Variants in FHIT observed in about 807,000 individuals in gnomAD.
FHIT encodes bis(5'-adenosyl)-triphosphatase.
In FHIT, 19 loss-of-function variants were observed where a neutral mutation model predicts 17.9. The observed-to-expected ratio is 1.06, with a 90% confidence interval of 0.74 to 1.56. FHIT has a LOEUF of 1.56. FHIT is among the 40% of genes most tolerant of loss of function. The probability of loss-of-function intolerance (pLI) is 0.00; values close to 1 mark genes in which losing one functional copy is unlikely to be tolerated. For synonymous variants in FHIT, 81 were observed against 69.7 expected (o/e 1.16, Z -0.81); for missense variants, 248 against 189.2 (o/e 1.31, Z -1.82).
chr3:60,652,752 A>G (rs1221034346), intron 4 of FHIT, among the ~76,000 whole-genome samples: 1 of 144,014 alleles, frequency 6.9e-6, no homozygotes, highest in East Asian at 2.0e-4. Context: ...AAAAAAAAAA[A>G]TTCAAAAAGT....
chr3:59,931,330 G>A (rs980713786), intron 7 of FHIT, among the ~76,000 whole-genome samples: 2 of 152,156 alleles, frequency 1.3e-5, no homozygotes, highest in Non-Finnish European at 2.9e-5. Flanking sequence ...TTGATTTGGG[G>A]AGGCCTCATC....
chr3:60,072,962 A>C (rs1305324323), intron 5 of FHIT, among the ~76,000 whole-genome samples: 1 of 152,184 alleles, frequency 6.6e-6, no homozygotes, highest in Non-Finnish European at 1.5e-5. Flanking sequence ...AGATGACTGC[A>C]CTGTGTTACT....
intron 5 of FHIT, among the ~76,000 whole-genome samples, chr3:60,102,480 G>A (rs951046767): frequency 6.6e-6 from 1 of 152,136 alleles, no homozygotes. Flanking sequence ...AGAATGATCT[G>A]GGGGTTCTTA....
At chr3:59,933,094 G>T (rs35019677) in intron 7 of FHIT, among the ~76,000 whole-genome samples, 13,109 of 152,074 alleles carry the variant, frequency 0.086, 720 homozygotes, top group Admixed American at 0.12. Context: ...TATAATCTGG[G>T]TAACAAAGAC....
At chr3:60,120,560 G>A (rs749761369) in intron 5 of FHIT, among the ~76,000 whole-genome samples, 1 of 152,198 alleles carries the variant, frequency 6.6e-6, no homozygotes, top group Non-Finnish European at 1.5e-5. Flanking sequence ...CAGCAGCGAG[G>A]ACTGGAGTAT....
chr3:60,116,580 C>T (rs1215669515), intron 5 of FHIT, among the ~76,000 whole-genome samples: 1 of 152,134 alleles, frequency 6.6e-6, no homozygotes, highest in Non-Finnish European at 1.5e-5. Flanking sequence ...TCCCCTCATT[C>T]ATTACAAGAC....
At chr3:60,970,218 C>T (rs7652163) in intron 3 of FHIT, among the ~76,000 whole-genome samples, 98,910 of 152,058 alleles carry the variant, frequency 0.65, 33,199 homozygotes, top group East Asian at 0.87. Flanking sequence ...TTCTCTTTTT[C>T]AGTGCTGTTA....
At chr3:60,973,029 T>G (rs1710087049) in intron 3 of FHIT, among the ~76,000 whole-genome samples, 1 of 152,154 alleles carries the variant, frequency 6.6e-6, no homozygotes, top group African/African-American at 2.4e-5. Flanking sequence ...CTCAGTCACT[T>G]TTGGATCTGT....
At chr3:60,999,857 A>G (rs2030944548) in intron 3 of FHIT, among the ~76,000 whole-genome samples, 1 of 152,170 alleles carries the variant, frequency 6.6e-6, no homozygotes, top group South Asian at 2.1e-4. Context: ...TGGGAAGCCC[A>G]TCAAGGTACC....
chr3:60,114,636 G>A (rs1704871420), intron 5 of FHIT, among the ~76,000 whole-genome samples: 1 of 151,532 alleles, frequency 6.6e-6, no homozygotes, highest in African/African-American at 2.4e-5. Context: ...TGGGACTACA[G>A]GTTCATGCCA....
intron 4 of FHIT, among the ~76,000 whole-genome samples, chr3:60,770,159 G>C (rs1256181648): frequency 6.6e-6 from 1 of 152,138 alleles, no homozygotes; most frequent in Non-Finnish European, 1.5e-5. Flanking sequence ...CCCCAAATGA[G>C]CAGAAGCATT....
At position 60,519,434 on chromosome 3, in the gene FHIT, C is replaced by T. The variant is rs188218569; in HGVS notation, c.103+17426G>A. ...GGGCAAGTGATCCTGTACCACTCCC[C>T]ATCTGCATAGTTGAAAATTCACATG... On this transcript the variant is annotated intron_variant, in intron 5 of 9. Transcript: ENST00000492590. Among the ~76,000 whole-genome samples, 184 of 152,306 alleles carry T rather than the reference C, an allele frequency of 1.2e-3. 4 individuals carry two copies. Among genetic ancestry groups the T allele is most frequent in the East Asian group, 7.7e-4 (4 of 5,186 alleles).
At chr3:60,624,649 G>A (rs1553680148) in intron 4 of FHIT, among the ~76,000 whole-genome samples, 1 of 152,164 alleles carries the variant, frequency 6.6e-6, no homozygotes, top group Non-Finnish European at 1.5e-5. Flanking sequence ...TAATATTACT[G>A]AAATTACTTA....
intron 5 of FHIT, among the ~76,000 whole-genome samples, chr3:60,460,164 T>A (rs1333428083): frequency 1.3e-5 from 2 of 152,218 alleles, no homozygotes; most frequent in African/African-American, 4.8e-5. Flanking sequence ...ATCAAACTTG[T>A]CTTGAACTTT....
chr3:60,857,617 C>G (rs1257846665), intron 3 of FHIT, among the ~76,000 whole-genome samples: 1 of 152,182 alleles, frequency 6.6e-6, no homozygotes, highest in Non-Finnish European at 1.5e-5. Context: ...TTCTGCCCAT[C>G]AACATCTGAG....
At chr3:60,983,499 G>A (rs993688528) in intron 3 of FHIT, among the ~76,000 whole-genome samples, 1 of 152,148 alleles carries the variant, frequency 6.6e-6, no homozygotes, top group Non-Finnish European at 1.5e-5. Flanking sequence ...GAGCCATCTA[G>A]TGCATCACAG....
chr3:60,638,175 AAC>A (rs2039636897), intron 4 of FHIT, among the ~76,000 whole-genome samples: 1 of 152,220 alleles, frequency 6.6e-6, no homozygotes, highest in Non-Finnish European at 1.5e-5. Context: ...AGGGAAATTA[AAC>A]ACTTACCCTG....
In FHIT at chr3:61,211,957, G is replaced by C. The variant is rs1240417574; in HGVS notation, c.-212-11292C>G. ...CTGCAGCTGAGGGTCCTGTCTCGTA[G>C]AAGGAAAACTAACAAACAGAAAGGA... On this transcript the variant is annotated intron_variant, in intron 1 of 9. Transcript: ENST00000492590. Among the ~76,000 whole-genome samples, 6 of 152,206 alleles carry C rather than the reference G, an allele frequency of 3.9e-5. No individual in the cohort carries two copies. In the East Asian group the frequency reaches 1.2e-3, roughly 29 times the overall value.
intron 5 of FHIT, among the ~76,000 whole-genome samples, chr3:60,203,732 T>C (rs2107499382): frequency 6.6e-6 from 1 of 151,766 alleles, no homozygotes; most frequent in Non-Finnish European, 1.5e-5. Flanking sequence ...TAGAAAAAAA[T>C]GCAAGAGAGA....
Sources: allele counts gnomAD v4.1 joint callset (sites outside exome capture counted in the v4.1 genomes callset), GRCh38; gene constraint gnomAD v4.1.1; transcripts MANE v1.5; gene names NCBI Gene and HGNC (gene_info 2026-07-23, HGNC 2026-07-21).